LRRC4C: variants seen among roughly 807,000 people sequenced by gnomAD.
LRRC4C encodes the protein leucine-rich repeat-containing protein 4C.
LRRC4C carries 5 observed loss-of-function variants against 33.6 expected under a neutral mutation model. The ratio of observed to expected loss-of-function variants is 0.15; its 90% CI spans 0.08 to 0.31. The LOEUF is 0.31. Ranked by LOEUF, LRRC4C falls within the 10% of genes least tolerant of loss-of-function variation. LRRC4C has a pLI of 1.00. For missense variants in LRRC4C, 560 were observed against 796.7 expected (o/e 0.70, Z 3.58); for synonymous variants, 329 against 302.0 (o/e 1.09, Z -0.93).
At chr11:40,154,284 A>C (rs973782429) in intron 5 of LRRC4C, among the ~76,000 whole-genome samples, 1 of 79,094 alleles carries the variant, frequency 1.3e-5, no homozygotes, top group African/African-American at 4.3e-5. Flanking sequence ...ACAAGCTAAA[A>C]AGCAAAAAAA....
chr11:41,450,819 G>A (rs986247860), intron 1 of LRRC4C, among the ~76,000 whole-genome samples: 2 of 152,026 alleles, frequency 1.3e-5, no homozygotes, highest in Admixed American at 6.6e-5. Context: ...TATATGCAAA[G>A]TTATAATTTC....
At chr11:40,351,515 ATTG>A (rs1347082279) in intron 3 of LRRC4C, 2 of 149,786 alleles carry the variant, frequency 1.3e-5, no homozygotes, top group African/African-American at 2.4e-5. Context: ...ACCTCCAGCT[ATTG>A]TTGTACCGAG....
At chr11:41,320,841 T>C (rs1231271656) in intron 1 of LRRC4C, among the ~76,000 whole-genome samples, 2 of 152,170 alleles carry the variant, frequency 1.3e-5, no homozygotes, top group Admixed American at 6.5e-5. Context: ...GGGAAGAATC[T>C]ACCTCCCAAC....
chr11:41,071,056 G>A (rs915263495), intron 1 of LRRC4C, among the ~76,000 whole-genome samples: 5 of 152,118 alleles, frequency 3.3e-5, no homozygotes, highest in African/African-American at 1.2e-4. Context: ...ATACACCATG[G>A]AATACTACAC....
intron 1 of LRRC4C, among the ~76,000 whole-genome samples, chr11:41,225,809 C>T (rs541832925): frequency 3.9e-5 from 6 of 152,112 alleles, no homozygotes; most frequent in South Asian, 4.2e-4. Flanking sequence ...ACATGCCAGC[C>T]GGTTTGACAC....
chr11:40,355,047 C>T (rs1947593661), intron 3 of LRRC4C, among the ~76,000 whole-genome samples: 1 of 152,148 alleles, frequency 6.6e-6, no homozygotes, highest in African/African-American at 2.4e-5. Context: ...GCTGCTTAAT[C>T]AACAGGTGCT....
At chr11:40,473,404 C>G (rs1054866157) in intron 3 of LRRC4C, among the ~76,000 whole-genome samples, 4 of 152,048 alleles carry the variant, frequency 2.6e-5, no homozygotes, top group Admixed American at 6.6e-5. Flanking sequence ...ATTAAACACC[C>G]CTTCATGCTA....
intron 1 of LRRC4C, among the ~76,000 whole-genome samples, chr11:41,342,856 G>A (rs188689859): frequency 5.8e-4 from 89 of 152,250 alleles, no homozygotes; most frequent in African/African-American, 1.6e-3. Flanking sequence ...TAACAGTAAC[G>A]TATTCTCTCA....
chr11:41,411,142 A>ATT (rs370574515), intron 1 of LRRC4C, among the ~76,000 whole-genome samples: 1,776 of 57,132 alleles, frequency 0.031, 428 homozygotes, highest in African/African-American at 0.1. Flanking sequence ...TTGGTACCCT[A>ATT]TTTTTTTTTT....
At chr11:41,248,600 A>G (rs1019179448) in intron 1 of LRRC4C, among the ~76,000 whole-genome samples, 5 of 152,094 alleles carry the variant, frequency 3.3e-5, no homozygotes, top group Admixed American at 2.0e-4. Flanking sequence ...GAAATGGAAT[A>G]TCACAGGAAC....
At chr11:41,117,519 C>T (rs917887156) in intron 1 of LRRC4C, among the ~76,000 whole-genome samples, 4 of 151,942 alleles carry the variant, frequency 2.6e-5, no homozygotes, top group Admixed American at 2.0e-4. Flanking sequence ...GTAAAAAGTG[C>T]ATGTGGAAAA....
intron 1 of LRRC4C, among the ~76,000 whole-genome samples, chr11:40,954,180 C>T (rs1479680647): frequency 6.6e-6 from 1 of 151,862 alleles, no homozygotes; most frequent in Non-Finnish European, 1.5e-5. Flanking sequence ...TATGCATCCG[C>T]TGGCACCAAC....
intron 1 of LRRC4C, among the ~76,000 whole-genome samples, chr11:41,219,385 G>A (rs1947204387): frequency 2.0e-5 from 3 of 152,176 alleles, no homozygotes; most frequent in African/African-American, 7.2e-5. Flanking sequence ...TGGGAAGAAA[G>A]TCAAATGCAT....
intron 3 of LRRC4C, among the ~76,000 whole-genome samples, chr11:40,585,598 A>G (rs1266668860): frequency 7.1e-6 from 1 of 141,408 alleles, no homozygotes; most frequent in South Asian, 2.5e-4. Flanking sequence ...CATTAGGTAT[A>G]TCTCCCAATG....
At chr11:41,107,399 CAT>C (rs2135672399) in intron 1 of LRRC4C, among the ~76,000 whole-genome samples, 1 of 151,988 alleles carries the variant, frequency 6.6e-6, no homozygotes, top group East Asian at 1.9e-4. Context: ...CATGATAAAA[CAT>C]GTAGCTATAA....
intron 4 of LRRC4C, among the ~76,000 whole-genome samples, chr11:40,253,399 G>A (rs1430508673): frequency 6.6e-6 from 1 of 152,248 alleles, no homozygotes; most frequent in Admixed American, 6.5e-5. Context: ...TAAAAAGCTG[G>A]TATAAAAACA....
chr11:40,538,315 A>C (rs998876652), intron 3 of LRRC4C, among the ~76,000 whole-genome samples: 3 of 150,908 alleles, frequency 2.0e-5, no homozygotes, highest in Non-Finnish European at 4.4e-5. Context: ...CCAGTGTGTG[A>C]TGTTCCCCTT....
At chr11:41,001,441 C>A (rs1225917610) in intron 1 of LRRC4C, among the ~76,000 whole-genome samples, 1 of 152,072 alleles carries the variant, frequency 6.6e-6, no homozygotes, top group Non-Finnish European at 1.5e-5. Context: ...TTAAGACATG[C>A]AAATAAGGGA....
chr11:41,240,856 T>A (rs114364643), intron 1 of LRRC4C, among the ~76,000 whole-genome samples: 241 of 152,172 alleles, frequency 1.6e-3, no homozygotes, highest in African/African-American at 5.7e-3. Flanking sequence ...CTTTGAGGTA[T>A]TACAGTAAAA....
Sources: allele counts gnomAD v4.1 joint callset (sites outside exome capture counted in the v4.1 genomes callset), GRCh38; gene constraint gnomAD v4.1.1; transcripts MANE v1.5; gene names NCBI Gene and HGNC (gene_info 2026-07-23, HGNC 2026-07-21).